Variants in PDS5B observed in about 807,000 individuals in gnomAD.
PDS5B encodes PDS5 cohesin associated factor B.
A neutral mutation model predicts 184.1 loss-of-function variants in PDS5B; 51 were observed. The observed-to-expected ratio is 0.28, with a 90% CI of 0.22 to 0.35. The LOEUF (loss-of-function observed/expected upper bound fraction) is 0.35. PDS5B is among the 10% of genes least tolerant of loss of function. The probability of loss-of-function intolerance (pLI) is 1.00; values close to 1 mark genes in which losing one functional copy is unlikely to be tolerated. For missense variants in PDS5B, 1,180 were observed against 1,723.3 expected, an observed-to-expected ratio of 0.68 and a Z score of 5.58; for synonymous variants, 566 against 569.2, an observed-to-expected ratio of 0.99 and a Z score of 0.08.
At chr13:32,655,374 A>ATATTTTTTTTT in intron 3 of PDS5B, among the ~76,000 whole-genome samples, 2 of 72,484 alleles carry the variant, frequency 2.8e-5, no homozygotes, top group South Asian at 6.5e-4. Flanking sequence ...ATATATATAT[A>ATATTTTTTTTT]TTTTTTTTTT....
At chr13:32,641,835 A>G (rs1219835823) in intron 1 of PDS5B, among the ~76,000 whole-genome samples, 1 of 152,300 alleles carries the variant, frequency 6.6e-6, no homozygotes, top group East Asian at 1.9e-4. Flanking sequence ...TAGATGTATA[A>G]TCTACAGTTG....
At chr13:32,669,154 A>G (rs1302900668) in intron 7 of PDS5B, among the ~76,000 whole-genome samples, 3 of 152,138 alleles carry the variant, frequency 2.0e-5, no homozygotes, top group Non-Finnish European at 4.4e-5. Context: ...GACTTAAAAC[A>G]TTCTGTAATT....
At chr13:32,648,603 A>G (rs1249692237) in intron 1 of PDS5B, among the ~76,000 whole-genome samples, 151 bp from the exon 2 acceptor site, 5 of 152,208 alleles carry the variant, frequency 3.3e-5, no homozygotes, top group Non-Finnish European at 7.4e-5. Context: ...GGAAATGTTC[A>G]ATAGAGTGAT....
chr13:32,634,592 T>A (rs1263459898), intron 1 of PDS5B, among the ~76,000 whole-genome samples: 1 of 151,750 alleles, frequency 6.6e-6, no homozygotes, highest in African/African-American at 2.4e-5. Flanking sequence ...ACTTTTTTTT[T>A]TTTTTTTTGA....
At chr13:32,699,518 C>G (rs192294960) in intron 15 of PDS5B, among the ~76,000 whole-genome samples, 186 of 152,184 alleles carry the variant, frequency 1.2e-3, no homozygotes, top group Non-Finnish European at 1.7e-3. Flanking sequence ...GCATATATGT[C>G]CCTTCACAAT....
At chr13:32,620,985 C>G (rs2058293074) in intron 1 of PDS5B, among the ~76,000 whole-genome samples, 1 of 152,190 alleles carries the variant, frequency 6.6e-6, no homozygotes, top group Non-Finnish European at 1.5e-5. Flanking sequence ...AGCCACATTT[C>G]AAGTGCTAAT....
At chr13:32,731,770 G>T (rs1318086334) in intron 19 of PDS5B, among the ~76,000 whole-genome samples, 4 of 152,228 alleles carry the variant, frequency 2.6e-5, no homozygotes, top group Admixed American at 6.5e-5. Context: ...TGTGTAAGGT[G>T]GCAGAAGTTT....
chr13:32,678,978 A>G (rs1350832323), intron 10 of PDS5B, 49 bp downstream of exon 10: 19 of 1,038,262 alleles, frequency 1.8e-5, no homozygotes, highest in Non-Finnish European at 2.4e-5. Context: ...CTTCAGTGGA[A>G]AAAAATAAGT....
At chr13:32,728,680 C>T (rs962922829) in intron 19 of PDS5B, among the ~76,000 whole-genome samples, 3 of 152,134 alleles carry the variant, frequency 2.0e-5, no homozygotes, top group Non-Finnish European at 4.4e-5. Flanking sequence ...TACTTCCATG[C>T]GATAAGCTGG....
At chr13:32,752,186 G>C (rs556207364) in intron 24 of PDS5B, among the ~76,000 whole-genome samples, 47 of 152,242 alleles carry the variant, frequency 3.1e-4, no homozygotes, top group Non-Finnish European at 5.3e-4. Flanking sequence ...AAGAACAAGG[G>C]AGACCACATT....
chr13:32,745,754 T>C (rs925918806), intron 23 of PDS5B, among the ~76,000 whole-genome samples: 2 of 151,994 alleles, frequency 1.3e-5, no homozygotes, highest in Non-Finnish European at 2.9e-5. Flanking sequence ...TTCATGAGGG[T>C]TTCCCACAAT....
intron 1 of PDS5B, among the ~76,000 whole-genome samples, chr13:32,640,920 G>A (rs2058651157): frequency 6.6e-6 from 1 of 151,916 alleles, no homozygotes; most frequent in African/African-American, 2.4e-5. Flanking sequence ...AGCCAGGCGT[G>A]GTGGCGAGCT....
At chr13:32,673,902 GC>G (rs1304809621) in intron 8 of PDS5B, among the ~76,000 whole-genome samples, 13 of 151,886 alleles carry the variant, frequency 8.6e-5, no homozygotes, top group Admixed American at 8.5e-4. Context: ...TGCAACCTGT[GC>G]CTCTCGGGAT....
At chr13:32,691,986 A>T (rs1319983933) in intron 13 of PDS5B, among the ~76,000 whole-genome samples, 2 of 149,620 alleles carry the variant, frequency 1.3e-5, no homozygotes, top group East Asian at 3.8e-4. Flanking sequence ...ACTCCCCACT[A>T]CTACGTATTG....
intron 19 of PDS5B, among the ~76,000 whole-genome samples, chr13:32,719,051 T>A (rs146557485): frequency 7.2e-5 from 11 of 152,368 alleles, no homozygotes; most frequent in African/African-American, 2.4e-4. Flanking sequence ...TAACATGGAT[T>A]TGGTTTAAGT....
chr13:32,590,050 A>G lies in PDS5B; in HGVS notation c.-20+3457A>G, dbSNP rs373174589. ...AATCATGATAATAAAACTTAGATGA[A>G]TAAAATTTATTTGTTCAAATCTTAA... On this transcript the variant is annotated intron_variant, in intron 1 of 34. Coordinates refer to ENST00000315596, the MANE Select transcript of PDS5B (RefSeq NM_015032.4). 8.5e-5 allele frequency among the ~76,000 whole-genome samples: 13 copies of G among 152,352 alleles called. No individual in the cohort carries two copies. The South Asian group carries it at 2.5e-3, about 29-fold the overall frequency.
intron 19 of PDS5B, among the ~76,000 whole-genome samples, chr13:32,728,165 A>G (rs1204298517): frequency 1.3e-5 from 2 of 150,214 alleles, no homozygotes; most frequent in African/African-American, 4.9e-5. Context: ...ATCTTTTTTT[A>G]TATTTTATAT....
chr13:32,655,371 TATA>T (rs1174054515), intron 3 of PDS5B, among the ~76,000 whole-genome samples: 51 of 41,084 alleles, frequency 1.2e-3, no homozygotes, highest in Middle Eastern at 0.011. Flanking sequence ...TATATATATA[TATA>T]TTTTTTTTTT....
At chr13:32,683,649 A>G (rs1023746445) in intron 10 of PDS5B, among the ~76,000 whole-genome samples, 5 of 152,188 alleles carry the variant, frequency 3.3e-5, no homozygotes, top group African/African-American at 1.2e-4. Context: ...CAAGTTATCA[A>G]TCTACCAAAT....
Sources: gnomAD v4.1 joint callset for allele counts (sites outside exome capture counted in the v4.1 genomes callset) on GRCh38, gnomAD v4.1.1 for gene constraint, MANE v1.5 for transcripts, NCBI Gene and HGNC (gene_info 2026-07-23, HGNC 2026-07-21) for gene names.